PDE1C: variants seen among roughly 807,000 people sequenced by gnomAD.
PDE1C encodes the protein dual specificity calcium/calmodulin-dependent 3',5'-cyclic nucleotide phosphodiesterase 1C.
In PDE1C, 62 loss-of-function variants were observed where a neutral mutation model predicts 93.1. That is an observed-to-expected ratio of 0.67 (90% CI 0.54 to 0.82). The LOEUF (loss-of-function observed/expected upper bound fraction) is 0.82, where lower values mean the gene tolerates loss of function less well. Ranked by LOEUF, PDE1C falls within the 40% of genes least tolerant of loss-of-function variation. The pLI is 0.00. For missense variants in PDE1C, 742 were observed against 884.6 expected (o/e 0.84, Z 2.04); for synonymous variants, 325 against 310.1 (o/e 1.05, Z -0.50).
intron 2 of PDE1C, among the ~76,000 whole-genome samples, chr7:32,204,145 G>A (rs1225233330): frequency 3.3e-5 from 5 of 151,796 alleles, no homozygotes; most frequent in African/African-American, 1.2e-4. Flanking sequence ...CTAACGTGTA[G>A]GTAGCATCTA....
chr7:31,657,964 T>A, the PDE1C span, among the ~76,000 whole-genome samples: 3 of 152,228 alleles, frequency 2.0e-5, no homozygotes, highest in Non-Finnish European at 4.4e-5. Flanking sequence ...TCCTACCCTG[T>A]ATTAATTTCA....
At chr7:31,800,720 G>A (rs1025474072) in intron 16 of PDE1C, among the ~76,000 whole-genome samples, 1 of 151,180 alleles carries the variant, frequency 6.6e-6, no homozygotes, top group African/African-American at 2.4e-5. Context: ...TATTCTGGAT[G>A]TTTTGTATTT....
intron 1 of PDE1C, among the ~76,000 whole-genome samples, chr7:32,407,733 A>AG (rs1785084716): frequency 6.6e-6 from 1 of 152,032 alleles, no homozygotes; most frequent in African/African-American, 2.4e-5. Context: ...TTTTAGATGA[A>AG]GTGTCTATTT....
intron 2 of PDE1C, among the ~76,000 whole-genome samples, chr7:31,953,026 G>A (rs1262781368): frequency 6.6e-6 from 1 of 152,058 alleles, no homozygotes; most frequent in Non-Finnish European, 1.5e-5. Context: ...AATATTTCCT[G>A]TAGTGCCCTG....
At chr7:32,315,553 G>T (rs1156521148) in intron 1 of PDE1C, among the ~76,000 whole-genome samples, 1 of 152,006 alleles carries the variant, frequency 6.6e-6, no homozygotes, top group African/African-American at 2.4e-5. Flanking sequence ...TTCCTACCCA[G>T]GAACATTGGT....
chr7:31,974,598 T>C (rs1382615229), intron 2 of PDE1C, among the ~76,000 whole-genome samples: 4 of 151,658 alleles, frequency 2.6e-5, no homozygotes, highest in African/African-American at 9.7e-5. Flanking sequence ...ACAAACTGAG[T>C]GTTGAACACA....
chr7:31,930,967 C>T (rs778259033), intron 2 of PDE1C, among the ~76,000 whole-genome samples: 3 of 147,136 alleles, frequency 2.0e-5, no homozygotes, highest in South Asian at 4.4e-4. Context: ...ATCACATAAA[C>T]AGAACCAATG....
chr7:31,650,690 T>C, the PDE1C span, among the ~76,000 whole-genome samples: 1 of 152,130 alleles, frequency 6.6e-6, no homozygotes, highest in African/African-American at 2.4e-5. Context: ...TCTAAGCAGA[T>C]TTTCTTTAAT....
At chr7:31,887,855 A>T (rs1033014388) in intron 2 of PDE1C, among the ~76,000 whole-genome samples, 2 of 152,262 alleles carry the variant, frequency 1.3e-5, no homozygotes, top group Admixed American at 1.3e-4. Flanking sequence ...AGATTTCTAA[A>T]TAACCCATAG....
the PDE1C span, among the ~76,000 whole-genome samples, chr7:31,741,408 T>C: frequency 7.2e-5 from 11 of 152,328 alleles, no homozygotes; most frequent in Non-Finnish European, 1.2e-4. Flanking sequence ...TATTCTAAAA[T>C]AAATTTATCC....
At chr7:32,395,985 C>T (rs752287068) in intron 1 of PDE1C, among the ~76,000 whole-genome samples, 1 of 151,994 alleles carries the variant, frequency 6.6e-6, no homozygotes, top group Non-Finnish European at 1.5e-5. Context: ...ACTCAGTAGT[C>T]CCTAAATTAA....
intron 1 of PDE1C, among the ~76,000 whole-genome samples, chr7:32,289,325 G>A (rs996775634): frequency 2.0e-4 from 31 of 152,156 alleles, no homozygotes; most frequent in Non-Finnish European, 2.1e-4. Context: ...CAGGGGGATC[G>A]CTTGAGCCCA....
chr7:31,967,011 C>T (rs9692523), intron 2 of PDE1C, among the ~76,000 whole-genome samples: 22 of 151,630 alleles, frequency 1.5e-4, no homozygotes, highest in Admixed American at 3.9e-4. Context: ...AAAGCAGGAA[C>T]GATCCAAAAT....
intron 2 of PDE1C, among the ~76,000 whole-genome samples, chr7:32,014,520 A>C (rs1275160172): frequency 6.6e-6 from 1 of 152,074 alleles, no homozygotes; most frequent in African/African-American, 2.4e-5. Context: ...TTTGTTACAC[A>C]GGTATACATG....
At chr7:32,049,963 C>T (rs971569457) in intron 2 of PDE1C, among the ~76,000 whole-genome samples, 2 of 152,132 alleles carry the variant, frequency 1.3e-5, no homozygotes, top group Non-Finnish European at 2.9e-5. Flanking sequence ...GATGGTATAG[C>T]CTACTACATG....
intron 1 of PDE1C, among the ~76,000 whole-genome samples, chr7:32,264,939 C>CT (rs1474700402): frequency 6.6e-6 from 1 of 152,232 alleles, no homozygotes; most frequent in Non-Finnish European, 1.5e-5. Context: ...ACAATGTCCT[C>CT]TATTGTCTTT....
intron 2 of PDE1C, among the ~76,000 whole-genome samples, chr7:32,197,257 T>C (rs1804690132): frequency 6.6e-6 from 1 of 152,182 alleles, no homozygotes; most frequent in South Asian, 2.1e-4. Flanking sequence ...ATATCAATAT[T>C]TCACACACAT....
intron 15 of PDE1C, among the ~76,000 whole-genome samples, chr7:31,810,268 C>A (rs563443523): frequency 6.6e-6 from 1 of 152,138 alleles, no homozygotes; most frequent in East Asian, 1.9e-4. Flanking sequence ...TTCTTTTTAG[C>A]CTGCATAAAA....
chr7:31,688,353 A>C, the PDE1C span, among the ~76,000 whole-genome samples: 61,344 of 152,138 alleles, frequency 0.4, 14,933 homozygotes, highest in African/African-American at 0.69. Context: ...TCCAATCTTA[A>C]AGTTGAGAGG....
Sources: gnomAD v4.1 joint callset for allele counts (sites outside exome capture counted in the v4.1 genomes callset) on GRCh38, gnomAD v4.1.1 for gene constraint, MANE v1.5 for transcripts, NCBI Gene and HGNC (gene_info 2026-07-23, HGNC 2026-07-21) for gene names.